The following ABCA1 variants were observed in gnomAD, a reference collection of about 807,000 sequenced individuals.
ABCA1 encodes ATP binding cassette subfamily A member 1.
A neutral mutation model predicts 262.5 loss-of-function variants in ABCA1; 133 were observed. That is an observed-to-expected ratio of 0.51 (90% CI 0.44 to 0.59). The LOEUF (loss-of-function observed/expected upper bound fraction) is 0.59. ABCA1 is among the 20% of genes least tolerant of loss of function. ABCA1 has a pLI of 0.00. For missense variants in ABCA1, 2,452 were observed against 2,777.5 expected, an observed-to-expected ratio of 0.88 and a Z score of 2.63; for synonymous variants, 1,022 against 1,043.5, an observed-to-expected ratio of 0.98 and a Z score of 0.40.
At chr9:104,840,603 A>C in intron 8 of ABCA1, 84 bp from the exon 9 acceptor site, 3 of 1,337,976 alleles carry the variant, frequency 2.2e-6, no homozygotes, top group Non-Finnish European at 3.1e-6. Flanking sequence ...AAGAGAAAGA[A>C]ACATCTTATT....
chr9:104,863,486 A>C (rs2119116656), intron 5 of ABCA1, among the ~76,000 whole-genome samples: 1 of 152,342 alleles, frequency 6.6e-6, no homozygotes, highest in South Asian at 2.1e-4. Context: ...AAATGGGGCT[A>C]CAGTGTGAGG....
intron 1 of ABCA1, among the ~76,000 whole-genome samples, chr9:104,916,219 A>T (rs903712990): frequency 3.9e-5 from 6 of 152,088 alleles, no homozygotes; most frequent in African/African-American, 1.2e-4. Context: ...AAAAATAAAA[A>T]CCCTGCCTTG....
chr9:104,870,269 GATA>G (rs758325651), intron 5 of ABCA1, among the ~76,000 whole-genome samples: 1 of 152,206 alleles, frequency 6.6e-6, no homozygotes, highest in Non-Finnish European at 1.5e-5. Flanking sequence ...GGTTCAAAGG[GATA>G]ATATTTTTCT....
At position 104,786,995 on chromosome 9, in the gene ABCA1, A is replaced by G; in HGVS notation, c.6205-19T>C. On this transcript the variant is annotated intron_variant, in intron 46 of 49. Coordinates refer to ENST00000374736, the MANE Select transcript of ABCA1 (RefSeq NM_005502.4). ...GTTCATCCTGTAATTAGAATAAAATAAGTCTTATTTGCTGGGGGGAAAAAA... is the reference window on the plus strand; with the variant it reads ...GTTCATCCTGTAATTAGAATAAAATGAGTCTTATTTGCTGGGGGGAAAAAA... 1 of 1,600,028 alleles carries G rather than the reference A, an allele frequency of 6.2e-7. No individual in the cohort carries two copies. The highest frequency in any genetic ancestry group is 1.1e-5 in the South Asian group (1 of 89,068).
At chr9:104,840,244 T>C (rs768426702) in intron 9 of ABCA1, 35 bp downstream of exon 9, 20 of 1,613,492 alleles carry the variant, frequency 1.2e-5, no homozygotes, top group Non-Finnish European at 1.4e-5. Context: ...AGGGATGGGG[T>C]TGGGGACAGG....
At position 104,788,640 on chromosome 9, in the gene ABCA1, T is replaced by C. The variant is rs937019231; in HGVS notation, c.5928-73A>G. 3.2e-6 allele frequency: 5 copies of C among 1,556,054 alleles called. No homozygotes were observed. The African/African-American group carries it at 5.4e-5, about 17-fold the overall frequency. On this transcript the variant is annotated intron_variant, in intron 44 of 49. Transcript: ENST00000374736. ...TCTGGTTAGACAATCTGGCCTAATG[T>C]TCCTGTAAAGTATGCTTCTCCATTA...
chr9:104,859,441 A>C (rs935929087), intron 6 of ABCA1, among the ~76,000 whole-genome samples: 1 of 144,402 alleles, frequency 6.9e-6, no homozygotes, highest in African/African-American at 2.9e-5. Flanking sequence ...CTTTGCATCC[A>C]CAGTGCTGAA....
intron 5 of ABCA1, among the ~76,000 whole-genome samples, chr9:104,862,415 T>TTTTCAAGCAAGAAG: frequency 6.6e-6 from 1 of 152,068 alleles, no homozygotes; most frequent in African/African-American, 2.4e-5. Context: ...GGTCTTTCTC[T>TTTTCAAGCAAGAAG]TCTAAATGAT....
At position 104,820,059 on chromosome 9, in the gene ABCA1, C is replaced by T. The variant is rs529115106; in HGVS notation, c.2971G>A (p.Glu991Lys). The T allele has an allele frequency of 6.8e-6, 11 of 1,614,148 alleles. 1 individual carries two copies. The highest frequency in any genetic ancestry group is 6.7e-5 in the East Asian group (3 of 44,874). ...HNVLFDMLTV[E>K]EHIWFYARLK... is the part of the protein sequence containing the mutation. Reference sequence around the variant, plus strand: ...CGGGCATAGAACCAGATGTGTTCTTCGACAGTCAGCCTGGGGACAGGGAGG... The same window carrying T: ...CGGGCATAGAACCAGATGTGTTCTTTGACAGTCAGCCTGGGGACAGGGAGG... The change falls in exon 21 of 50, where the codon GAA (glutamate) becomes AAA (lysine). Residue 991 changes from glutamate to lysine, a missense_variant. This residue lies in a region of ABCA1 where 665 missense variants were observed against 727.3 expected (regional missense o/e 0.91). Transcript: ENST00000374736.
At chr9:104,834,693 G>T (rs1208002125) in intron 11 of ABCA1, among the ~76,000 whole-genome samples, 1 of 149,138 alleles carries the variant, frequency 6.7e-6, no homozygotes, top group African/African-American at 2.5e-5. Context: ...GAGGCAGAGA[G>T]AAAACAGGTC....
At chr9:104,838,385 G>A (rs886240035) in intron 9 of ABCA1, among the ~76,000 whole-genome samples, 8 of 151,368 alleles carry the variant, frequency 5.3e-5, no homozygotes, top group East Asian at 3.9e-4. Context: ...CGAGACAGGC[G>A]GATCACGAGG....
chr9:104,877,226 G>T (rs1838239457), intron 5 of ABCA1, among the ~76,000 whole-genome samples: 1 of 152,184 alleles, frequency 6.6e-6, no homozygotes, highest in Non-Finnish European at 1.5e-5. Flanking sequence ...GCTAACACAA[G>T]GGAATAAACT....
At position 104,845,582 on chromosome 9, in the gene ABCA1, A is replaced by C. The variant is rs1834799306; in HGVS notation, c.721-13T>G. The C allele has an allele frequency of 6.3e-7, 1 of 1,584,210 alleles. No individual in the cohort carries two copies. Among genetic ancestry groups the C allele is most frequent in the South Asian group, 1.1e-5 (1 of 90,194 alleles). On this transcript the variant is annotated splice_polypyrimidine_tract_variant and intron_variant, in intron 7 of 49. Transcript: ENST00000374736. ...AGTTTAGTGTTCTCTGTAATGAGAA[A>C]GAAAACTTTGTTTCTGAATTCAAAT...
intron 9 of ABCA1, among the ~76,000 whole-genome samples, chr9:104,838,331 A>C (rs1179513742): frequency 7.3e-6 from 1 of 136,478 alleles, no homozygotes; most frequent in African/African-American, 2.8e-5. Context: ...AATTCTCAAC[A>C]GGGCGCAGTG....
In ABCA1 at chr9:104,819,584, A is replaced by AC. The variant is rs1168226747; in HGVS notation, c.3241+1dup. ...TACTCAGAATAAATACACATCAGGC[A>AC]CCTTGTCGGTATTTCAGCAGCAGCT... On this transcript the variant is annotated splice_donor_variant, in intron 22 of 49. Coordinates refer to ENST00000374736, the MANE Select transcript of ABCA1 (RefSeq NM_005502.4). LOFTEE classifies it high-confidence loss of function. The AC allele has an allele frequency of 6.2e-7, 1 of 1,614,016 alleles. No individual in the cohort carries two copies. Among genetic ancestry groups the AC allele is most frequent in the Non-Finnish European group, 8.5e-7 (1 of 1,180,030 alleles).
In ABCA1 at chr9:104,814,145, C is replaced by T. The variant is rs774405410; in HGVS notation, c.3874G>A (p.Asp1292Asn). ...LRPFTEDDAA[D>N]PNDSDIDPES... ...GGGTCTATGTCAGAATCATTTGGAT[C>T]AGCAGCATCATCTTCAGTGAACGGG... Residue 1292 changes from aspartate to asparagine, a missense_variant, in exon 27 of 50, where the codon GAT (aspartate) becomes AAT (asparagine). Asp to Asn is a conservative substitution (Grantham distance 23). Around this residue, in one of 4 missense-constraint regions of ABCA1, gnomAD observed 665 missense variants for 727.3 expected, o/e 0.91. Transcript: ENST00000374736. 1.2e-6 allele frequency: 2 copies of T among 1,614,236 alleles called. No homozygotes were observed. The highest frequency in any genetic ancestry group is 2.2e-5 in the South Asian group (2 of 91,086).
chr9:104,868,557 C>A (rs1837296556), intron 5 of ABCA1, among the ~76,000 whole-genome samples: 1 of 152,202 alleles, frequency 6.6e-6, no homozygotes, highest in Non-Finnish European at 1.5e-5. Flanking sequence ...CACTATCCAG[C>A]AGAAGGTCAA....
At chr9:104,913,475 C>T (rs1841621942) in intron 1 of ABCA1, among the ~76,000 whole-genome samples, 1 of 152,200 alleles carries the variant, frequency 6.6e-6, no homozygotes, top group Non-Finnish European at 1.5e-5. Context: ...TTAATTCTGG[C>T]AATTTCACAG....
At chr9:104,849,995 G>C (rs555919336) in intron 7 of ABCA1, among the ~76,000 whole-genome samples, 31 of 152,326 alleles carry the variant, frequency 2.0e-4, no homozygotes, top group African/African-American at 7.2e-4. Flanking sequence ...CAAGACAAGA[G>C]TTATCTCTGA....
Sources: gnomAD v4.1 joint callset for allele counts (sites outside exome capture counted in the v4.1 genomes callset) on GRCh38, gnomAD v4.1.1 for gene constraint, gnomAD v4.1.1 regional missense constraint, MANE v1.5 for transcripts, NCBI Gene and HGNC (gene_info 2026-07-23, HGNC 2026-07-21) for gene names.